MTREX: variants seen among roughly 807,000 people sequenced by gnomAD.
MTREX encodes the protein Mtr4 exosome RNA helicase, also known as exosome RNA helicase MTR4.
MTREX carries 76 observed loss-of-function variants against 135.4 expected under a neutral mutation model. That is an observed-to-expected ratio of 0.56 (90% CI 0.47 to 0.68). The LOEUF is 0.68. Ranked by LOEUF, MTREX falls within the 30% of genes least tolerant of loss-of-function variation. The pLI is 0.00. For synonymous variants in MTREX, 404 were observed against 401.6 expected (o/e 1.01, Z -0.07); for missense variants, 920 against 1,262.1 (o/e 0.73, Z 4.11).
intron 25 of MTREX, among the ~76,000 whole-genome samples, chr5:55,417,156 C>T (rs1161186949): frequency 6.6e-6 from 1 of 152,010 alleles, no homozygotes; most frequent in Admixed American, 6.6e-5. Context: ...GGTTTATAAA[C>T]TTCTCAGCCT....
rs772245952 is a variant in MTREX at position 55,379,214 on chromosome 5, A to G, written c.2052+19A>G. On this transcript the variant is annotated intron_variant, in intron 18 of 26. Transcript: ENST00000230640. ...TGTTAAGGTAAACTATTATCTTTAAATTAGAATTGTATATCAATTTTTAGT... is the reference window on the plus strand; with the variant it reads ...TGTTAAGGTAAACTATTATCTTTAAGTTAGAATTGTATATCAATTTTTAGT... 5 of 1,428,486 alleles carry G rather than the reference A, an allele frequency of 3.5e-6. No individual in the cohort carries two copies. The East Asian group carries it at 6.9e-5, about 20-fold the overall frequency. 88.5% of individuals were successfully genotyped at this position (1,428,486 alleles called of 1,614,324 possible).
chr5:55,378,230 C>T, intron 16 of MTREX, 84 bp from the exon 17 acceptor site: 1 of 1,428,352 alleles, frequency 7.0e-7, no homozygotes, highest in Non-Finnish European at 9.2e-7. Flanking sequence ...CTTGCACCAA[C>T]CTAATAGAAA....
Position 55,425,230 on chromosome 5 carries a change from G to GTGAT in MTREX, c.*460_*463dup. On this transcript the variant is annotated 3_prime_UTR_variant, in exon 27 of 27. Coordinates refer to ENST00000230640, the MANE Select transcript of MTREX (RefSeq NM_015360.5). ...TTCAAGGCTGGTGATTGCTCGGATA[G>GTGAT]TGATTCCCAGTTGTTGGTGTTTCAT... 1.2e-6 allele frequency: 2 copies of GTGAT among 1,613,956 alleles called. No individual in the cohort carries two copies. The highest frequency in any genetic ancestry group is 2.2e-5 in the South Asian group (2 of 91,044).
chr5:55,375,042 G>A (rs189228896), intron 16 of MTREX, among the ~76,000 whole-genome samples: 79 of 152,304 alleles, frequency 5.2e-4, no homozygotes, highest in Non-Finnish European at 8.8e-4. Flanking sequence ...TTTCAAAAAG[G>A]GAGGGAGTGT....
At chr5:55,354,759 G>A (rs1029305045) in intron 14 of MTREX, among the ~76,000 whole-genome samples, 3 of 152,196 alleles carry the variant, frequency 2.0e-5, no homozygotes, top group East Asian at 3.9e-4. Flanking sequence ...TCTGGCTAAG[G>A]CTGGGCCCTA....
intron 18 of MTREX, among the ~76,000 whole-genome samples, chr5:55,380,661 C>T (rs552695756): frequency 2.0e-5 from 3 of 152,010 alleles, no homozygotes; most frequent in East Asian, 1.9e-4. Flanking sequence ...CTTTATGTAT[C>T]GGGATTCAGT....
intron 23 of MTREX, 55 bp downstream of exon 23, chr5:55,410,684 A>G (rs1750872840): frequency 9.6e-7 from 1 of 1,039,784 alleles, no homozygotes. Context: ...CATGTAGTTA[A>G]TAGTGTTATG....
At chr5:55,344,946 C>A in intron 9 of MTREX, 148 bp from the exon 10 acceptor site, 1 of 574,618 alleles carries the variant, frequency 1.7e-6, no homozygotes, top group Non-Finnish European at 3.1e-6. Context: ...CCTTTTAATA[C>A]CTCTTACCAC....
chr5:55,354,228 G>C (rs939329294), intron 14 of MTREX, among the ~76,000 whole-genome samples: 1 of 152,158 alleles, frequency 6.6e-6, no homozygotes, highest in African/African-American at 2.4e-5. Flanking sequence ...AAACACTCTT[G>C]AGAAGTATGT....
chr5:55,308,001 A>G lies in MTREX; in HGVS notation c.-13A>G, dbSNP rs371908465. On this transcript the variant is annotated 5_prime_UTR_variant, in exon 1 of 27. Transcript: ENST00000230640. ...GTGGGTAGGAGGGAGATTTGCTCTC[A>G]CTGCTCCCAAAAATGGCGGACGCAT... 1.2e-5 allele frequency: 19 copies of G among 1,613,990 alleles called. No individual in the cohort carries two copies. In the African/African-American group the frequency reaches 2.3e-4, roughly 19 times the overall value.
At chr5:55,315,588 A>G (rs976847368) in intron 1 of MTREX, among the ~76,000 whole-genome samples, 2 of 152,226 alleles carry the variant, frequency 1.3e-5, no homozygotes, top group Non-Finnish European at 1.5e-5. Context: ...ATAGAGCAAT[A>G]GTTAATCCAC....
intron 16 of MTREX, among the ~76,000 whole-genome samples, chr5:55,374,975 C>T (rs886264933): frequency 1.3e-5 from 2 of 152,078 alleles, no homozygotes; most frequent in Non-Finnish European, 2.9e-5. Flanking sequence ...CATCACATGT[C>T]GGTAGGTTCC....
chr5:55,322,318 A>G lies in MTREX; in HGVS notation c.135-9A>G. ...CTGCAGAATTCATTCCAAACTATTTACTTTTCAGGAAACGTTTTGATGGTA... is the reference window on the plus strand; with the variant it reads ...CTGCAGAATTCATTCCAAACTATTTGCTTTTCAGGAAACGTTTTGATGGTA... On this transcript the variant is annotated splice_polypyrimidine_tract_variant and intron_variant, in intron 1 of 26. Coordinates refer to ENST00000230640, the MANE Select transcript of MTREX (RefSeq NM_015360.5). The G allele has an allele frequency of 1.3e-6, 2 of 1,593,004 alleles. No individual in the cohort carries two copies. The highest frequency in any genetic ancestry group is 1.7e-6 in the Non-Finnish European group (2 of 1,172,184).
At chr5:55,336,433 A>C (rs1212498510) in intron 5 of MTREX, among the ~76,000 whole-genome samples, 3 of 152,204 alleles carry the variant, frequency 2.0e-5, no homozygotes, top group South Asian at 4.1e-4. Context: ...AAAATTGAGA[A>C]TTTTTATCAA....
intron 19 of MTREX, among the ~76,000 whole-genome samples, chr5:55,396,351 T>C (rs554390498): frequency 3.9e-5 from 6 of 152,316 alleles, no homozygotes; most frequent in Non-Finnish European, 8.8e-5. Flanking sequence ...AGGGATTGTA[T>C]ATGATATTTC....
intron 18 of MTREX, among the ~76,000 whole-genome samples, chr5:55,382,546 A>G (rs1209062680): frequency 6.6e-6 from 1 of 152,162 alleles, no homozygotes; most frequent in Non-Finnish European, 1.5e-5. Context: ...CCAGCAATAC[A>G]TTATTATGAT....
chr5:55,389,686 G>A (rs1335728283), intron 19 of MTREX, among the ~76,000 whole-genome samples: 1 of 152,072 alleles, frequency 6.6e-6, no homozygotes, highest in African/African-American at 2.4e-5. Context: ...TATATTCCTA[G>A]CAAGGGAAGC....
Position 55,379,234 on chromosome 5 carries a change from T to G in MTREX, c.2052+39T>G, listed in dbSNP as rs549844690. The G allele has an allele frequency of 1.3e-4, 161 of 1,196,292 alleles. 1 individual carries two copies. In the East Asian group the frequency reaches 3.8e-3, roughly 28 times the overall value. The allele number at this position is 1,196,292 out of a possible 1,614,324, so 74.1% of individuals were successfully genotyped here. On this transcript the variant is annotated intron_variant, in intron 18 of 26. Coordinates refer to ENST00000230640, the MANE Select transcript of MTREX (RefSeq NM_015360.5). ...TTTAAATTAGAATTGTATATCAATT[T>G]TTAGTGAAATGTTTTTTAAGGCTTA...
chr5:55,343,771 A>G (rs1749688844), intron 8 of MTREX, among the ~76,000 whole-genome samples: 1 of 152,182 alleles, frequency 6.6e-6, no homozygotes, highest in African/African-American at 2.4e-5. Flanking sequence ...TTACTCAAAT[A>G]GTTATCCATG....
Sources: gnomAD v4.1 joint callset for allele counts (sites outside exome capture counted in the v4.1 genomes callset) on GRCh38, gnomAD v4.1.1 for gene constraint, MANE v1.5 for transcripts, NCBI Gene and HGNC (gene_info 2026-07-23, HGNC 2026-07-21) for gene names.